COBL: variants seen among roughly 807,000 people sequenced by gnomAD.
The protein encoded by COBL is cordon-bleu WH2 repeat protein.
COBL carries 51 observed loss-of-function variants against 98.8 expected under a neutral mutation model. The observed-to-expected ratio is 0.52, with a 90% CI of 0.41 to 0.65. The LOEUF (loss-of-function observed/expected upper bound fraction) is 0.65, where lower values mean the gene tolerates loss of function less well. Among genes scored for constraint, COBL ranks in the 30% least tolerant of loss-of-function variants. The pLI is 0.00. For synonymous variants in COBL, 634 were observed against 651.7 expected (o/e 0.97, Z 0.41); for missense variants, 1,617 against 1,617.5 (o/e 1.00, Z 0.01).
chr7:51,102,011 A>G (rs1400784438), intron 6 of COBL, among the ~76,000 whole-genome samples: 1 of 152,192 alleles, frequency 6.6e-6, no homozygotes, highest in Non-Finnish European at 1.5e-5. Flanking sequence ...AAAGCTCTCT[A>G]GCTCTTTTTC....
intron 7 of COBL, among the ~76,000 whole-genome samples, chr7:51,061,993 A>G (rs1791429135): frequency 6.7e-6 from 1 of 149,460 alleles, no homozygotes; most frequent in South Asian, 2.1e-4. Flanking sequence ...TCATAAATAT[A>G]TCCTATTGTT....
intron 6 of COBL, among the ~76,000 whole-genome samples, chr7:51,129,237 C>T (rs985675261): frequency 6.6e-6 from 1 of 151,998 alleles, no homozygotes; most frequent in Non-Finnish European, 1.5e-5. Context: ...AGTCCAAGAT[C>T]ATGGTGTGGA....
intron 5 of COBL, among the ~76,000 whole-genome samples, chr7:51,159,068 G>T (rs1018848812): frequency 1.3e-5 from 2 of 152,180 alleles, no homozygotes; most frequent in African/African-American, 4.8e-5. Context: ...GACACACGAA[G>T]AGCTGGCCAG....
chr7:51,168,971 G>T (rs1044219187), intron 5 of COBL, among the ~76,000 whole-genome samples: 7 of 152,164 alleles, frequency 4.6e-5, no homozygotes, highest in East Asian at 1.9e-4. Flanking sequence ...CAGCCAAGGG[G>T]ATTCCAGAGT....
intron 5 of COBL, among the ~76,000 whole-genome samples, chr7:51,152,608 C>T (rs886163296): frequency 2.0e-5 from 3 of 152,230 alleles, no homozygotes; most frequent in Admixed American, 6.5e-5. Flanking sequence ...TCAGTTAAAT[C>T]CACTGCTGTG....
chr7:51,300,579 C>T (rs574244399), intron 1 of COBL, among the ~76,000 whole-genome samples: 1 of 152,282 alleles, frequency 6.6e-6, no homozygotes, highest in African/African-American at 2.4e-5. Flanking sequence ...GAAGGAGCTG[C>T]CTGCTCCTAC....
intron 6 of COBL, among the ~76,000 whole-genome samples, chr7:51,129,468 C>T (rs1798535345): frequency 6.6e-6 from 1 of 151,826 alleles, no homozygotes; most frequent in African/African-American, 2.4e-5. Context: ...ACATTTAGAG[C>T]ACAGCAGAGA....
chr7:51,308,166 A>T (rs1005773763), intron 1 of COBL, among the ~76,000 whole-genome samples: 3 of 152,198 alleles, frequency 2.0e-5, no homozygotes, highest in African/African-American at 7.2e-5. Flanking sequence ...TGTGCATTGA[A>T]CACTAGTGGA....
intron 1 of COBL, among the ~76,000 whole-genome samples, chr7:51,304,306 T>G (rs1236239440): frequency 6.6e-6 from 1 of 152,182 alleles, no homozygotes; most frequent in African/African-American, 2.4e-5. Flanking sequence ...GCTCTTCCAG[T>G]GGGATGGGAG....
intron 7 of COBL, among the ~76,000 whole-genome samples, chr7:51,067,594 G>A (rs917401881): frequency 1.3e-5 from 2 of 152,208 alleles, no homozygotes; most frequent in Non-Finnish European, 2.9e-5. Context: ...TAGTCACACT[G>A]TAACAGAGGA....
At chr7:51,038,489 T>C (rs1356686228) in intron 8 of COBL, among the ~76,000 whole-genome samples, 1 of 152,202 alleles carries the variant, frequency 6.6e-6, no homozygotes, top group Non-Finnish European at 1.5e-5. Flanking sequence ...CAAAGGAGTC[T>C]AGATGATTTT....
Position 51,028,608 on chromosome 7 carries a change from C to G in COBL, c.2488G>C (p.Gly830Arg). ...GTGGGGGGCTGGTTTCTCCCCTCCC[C>G]TAGGGGGTTCCGGCCCTCATGGTGG... ...SAHHEGRNPL[G>R]EGRNQPPTMG... Residue 830 changes from glycine (G) to arginine (R), a missense_variant, in exon 10 of 13, where the codon GGG becomes CGG. Gly to Arg is a moderately radical substitution (Grantham distance 125). Around this residue, in one of 3 missense-constraint regions of COBL, gnomAD observed 1,304 missense variants for 1,282.0 expected, o/e 1.02. Coordinates refer to ENST00000265136, the MANE Select transcript of COBL (RefSeq NM_015198.5). The G allele has an allele frequency of 6.2e-7, 1 of 1,613,900 alleles. No homozygotes were observed. The highest frequency in any genetic ancestry group is 1.1e-5 in the South Asian group (1 of 91,038).
At chr7:51,098,164 T>C (rs909784682) in intron 6 of COBL, among the ~76,000 whole-genome samples, 1 of 147,942 alleles carries the variant, frequency 6.8e-6, no homozygotes, top group Non-Finnish European at 1.5e-5. Flanking sequence ...AAAATGTCCA[T>C]GCTACCCAAA....
intron 5 of COBL, among the ~76,000 whole-genome samples, chr7:51,177,978 T>C (rs1467901068): frequency 6.6e-6 from 1 of 151,948 alleles, no homozygotes; most frequent in African/African-American, 2.4e-5. Context: ...AAACCCGGTC[T>C]CTACTAAAAA....
At chr7:51,191,129 C>T in intron 3 of COBL, 51 bp from the exon 4 acceptor site, 1 of 1,507,512 alleles carries the variant, frequency 6.6e-7, no homozygotes, top group Non-Finnish European at 9.1e-7. Context: ...CTCCCACAAG[C>T]CTTCAACTCT....
chr7:51,075,881 T>C (rs921238362), intron 7 of COBL, among the ~76,000 whole-genome samples: 5 of 152,240 alleles, frequency 3.3e-5, no homozygotes, highest in Non-Finnish European at 5.9e-5. Flanking sequence ...CAAGGTACAA[T>C]AGTAACAGGT....
intron 8 of COBL, chr7:51,034,454 G>A (rs1046001290): frequency 1.6e-4 from 25 of 152,242 alleles, no homozygotes; most frequent in African/African-American, 5.8e-4. Flanking sequence ...GAGCATGTAT[G>A]AATGGATTAT....
chr7:51,253,380 C>T (rs1462353560), intron 1 of COBL, among the ~76,000 whole-genome samples: 2 of 152,138 alleles, frequency 1.3e-5, no homozygotes, highest in Non-Finnish European at 2.9e-5. Flanking sequence ...AAGCCTACTC[C>T]TGGGTTTGTT....
chr7:51,020,030 G>C (rs746562438), intron 12 of COBL, among the ~76,000 whole-genome samples: 4 of 152,250 alleles, frequency 2.6e-5, no homozygotes, highest in Admixed American at 2.6e-4. Flanking sequence ...CGTGTGGCCC[G>C]CATCAATTAA....
Sources: gnomAD v4.1 joint callset for allele counts (sites outside exome capture counted in the v4.1 genomes callset) on GRCh38, gnomAD v4.1.1 for gene constraint, gnomAD v4.1.1 regional missense constraint, MANE v1.5 for transcripts, NCBI Gene and HGNC (gene_info 2026-07-23, HGNC 2026-07-21) for gene names.